The following PDHX variants were observed in gnomAD, a reference collection of about 807,000 sequenced individuals.
PDHX encodes the protein pyruvate dehydrogenase protein X component, mitochondrial.
PDHX carries 33 observed loss-of-function variants against 55.3 expected under a neutral mutation model. The observed-to-expected ratio is 0.60, with a 90% CI of 0.45 to 0.80. PDHX has a LOEUF of 0.80. PDHX is among the 30% of genes least tolerant of loss of function. The pLI, the probability that PDHX is intolerant of heterozygous loss-of-function variation, is 0.00. For missense variants in PDHX, 622 were observed against 619.9 expected (o/e 1.00, Z -0.04); for synonymous variants, 226 against 219.4 (o/e 1.03, Z -0.27).
At chr11:34,918,529 C>CT (rs1318315424) in intron 1 of PDHX, among the ~76,000 whole-genome samples, 1 of 151,988 alleles carries the variant, frequency 6.6e-6, no homozygotes, top group African/African-American at 2.4e-5. Flanking sequence ...CCTCATGATG[C>CT]TTTTTTACCT....
intron 3 of PDHX, among the ~76,000 whole-genome samples, chr11:34,953,011 A>G (rs10836324): frequency 0.58 from 88,294 of 151,544 alleles, 27,821 homozygotes; most frequent in East Asian, 0.75. Flanking sequence ...TACAAAATCA[A>G]TGTACAAAAA....
At chr11:34,919,322 CTG>C (rs1474703116) in intron 1 of PDHX, among the ~76,000 whole-genome samples, 3 of 152,152 alleles carry the variant, frequency 2.0e-5, no homozygotes, top group Non-Finnish European at 4.4e-5. Context: ...TTGGTAGAAA[CTG>C]TAGTTTTATA....
chr11:34,966,089 A>C (rs1855125352), intron 5 of PDHX, among the ~76,000 whole-genome samples: 1 of 152,148 alleles, frequency 6.6e-6, no homozygotes, highest in African/African-American at 2.4e-5. Flanking sequence ...CATAGGTTAG[A>C]TTTGTTATAT....
At chr11:34,947,730 C>G in intron 3 of PDHX, 124 bp downstream of exon 3, 4 of 697,854 alleles carry the variant, frequency 5.7e-6, no homozygotes, top group Non-Finnish European at 1.0e-5. Flanking sequence ...CTACATAATA[C>G]ATTTTTAGTT....
At chr11:34,969,961 A>AT (rs1855221959) in intron 6 of PDHX, among the ~76,000 whole-genome samples, 178 bp from the exon 7 acceptor site, 1 of 152,146 alleles carries the variant, frequency 6.6e-6, no homozygotes, top group South Asian at 2.1e-4. Context: ...AGCGTCTCAG[A>AT]TTTTTTATAT....
Position 34,996,061 on chromosome 11 carries a change from A to C in PDHX, c.*889A>C, listed in dbSNP as rs1451878507. 2 of 152,212 alleles carry C rather than the reference A, an allele frequency of 1.3e-5. No homozygotes were observed. The highest frequency in any genetic ancestry group is 4.8e-5 in the African/African-American group (2 of 41,472). The allele number at this position is 152,212 out of a possible 1,614,324, so 9.4% of individuals were successfully genotyped here. A position where few individuals can be genotyped will look rare whatever the true frequency, so the allele number is the denominator to read the frequency against. ...ATTGTGCAGTAAAATGTGAGAAAAT[A>C]TAAACATTTCTATTGTATTTTAAAT... On this transcript the variant is annotated 3_prime_UTR_variant, in exon 11 of 11. Transcript: ENST00000227868.
chr11:34,995,551 A>G lies in PDHX; in HGVS notation c.*379A>G. ...TTAAAAAAACTATTAGAACTGTACC[A>G]TAATTATGTTGAAGGTAGAAGTGAT... On this transcript the variant is annotated 3_prime_UTR_variant, in exon 11 of 11. Transcript: ENST00000227868. 3 of 282,738 alleles carry G rather than the reference A, an allele frequency of 1.1e-5. No individual in the cohort carries two copies. The highest frequency in any genetic ancestry group is 1.1e-4 in the South Asian group (3 of 28,366). The allele number at this position is 282,738 out of a possible 1,614,324, so 17.5% of individuals were successfully genotyped here. A position where few individuals can be genotyped will look rare whatever the true frequency, so the allele number is the denominator to read the frequency against.
intron 7 of PDHX, chr11:34,977,894 A>G: frequency 1.8e-6 from 1 of 569,986 alleles, no homozygotes; most frequent in Non-Finnish European, 3.3e-6. Flanking sequence ...AAAATTGATA[A>G]CCAAGGCCCA....
chr11:34,981,902 C>T (rs1311137559), intron 8 of PDHX, among the ~76,000 whole-genome samples: 1 of 152,072 alleles, frequency 6.6e-6, no homozygotes, highest in Non-Finnish European at 1.5e-5. Context: ...TGGATATTAG[C>T]CCTTTGTCAG....
intron 5 of PDHX, among the ~76,000 whole-genome samples, chr11:34,961,980 T>C (rs1249650547): frequency 6.6e-6 from 1 of 152,240 alleles, no homozygotes; most frequent in Non-Finnish European, 1.5e-5. Flanking sequence ...ATCTTAATCT[T>C]GTTAGTCTCT....
intron 1 of PDHX, among the ~76,000 whole-genome samples, chr11:34,928,466 C>CT (rs1206099542): frequency 1.1e-3 from 155 of 139,952 alleles, no homozygotes; most frequent in Middle Eastern, 7.3e-3. Flanking sequence ...CACCCCCCTC[C>CT]TTTTTTTTTT....
At chr11:34,925,796 A>C (rs535664778) in intron 1 of PDHX, among the ~76,000 whole-genome samples, 19 of 152,314 alleles carry the variant, frequency 1.2e-4, no homozygotes, top group Non-Finnish European at 2.1e-4. Flanking sequence ...TTGAGCACTG[A>C]CATGATGCTC....
chr11:34,973,567 C>T (rs142579542), intron 7 of PDHX, among the ~76,000 whole-genome samples: 1 of 152,050 alleles, frequency 6.6e-6, no homozygotes, highest in African/African-American at 2.4e-5. Context: ...TTCTTACCTG[C>T]TTTGCAATGG....
At position 34,994,977 on chromosome 11, in the gene PDHX, C is replaced by A; in HGVS notation, c.1311C>A (p.Ala437=). 2 of 1,614,052 alleles carry A rather than the reference C, an allele frequency of 1.2e-6. No individual in the cohort carries two copies. Among genetic ancestry groups the A allele is most frequent in the Non-Finnish European group, 1.7e-6 (2 of 1,179,936 alleles). ...CTGCAGTGATTAACCCTCCTCAGGCCTGCATTTTGGCGGTTGGGAGGTTCC... is the reference window on the plus strand; with the variant it reads ...CTGCAGTGATTAACCCTCCTCAGGCATGCATTTTGGCGGTTGGGAGGTTCC... ...EFTAVINPPQ[A]CILAVGRFRP... The change falls in exon 11 of 11, where the codon GCC becomes GCA. Residue 437 remains alanine, a synonymous_variant. Coordinates refer to ENST00000227868, the MANE Select transcript of PDHX (RefSeq NM_003477.3).
At chr11:34,957,252 C>T in intron 3 of PDHX, 132 bp from the exon 4 acceptor site, 1 of 703,378 alleles carries the variant, frequency 1.4e-6, no homozygotes, top group South Asian at 1.6e-5. Flanking sequence ...AAGGCAGAGG[C>T]AAACTGTCTT....
chr11:34,980,944 G>A (rs1443931260), intron 8 of PDHX, among the ~76,000 whole-genome samples: 1 of 151,934 alleles, frequency 6.6e-6, no homozygotes, highest in Admixed American at 6.6e-5. Flanking sequence ...TGTGATACAG[G>A]GCAAGATTAT....
intron 10 of PDHX, among the ~76,000 whole-genome samples, chr11:34,993,406 A>G (rs1294353638): frequency 2.6e-5 from 4 of 151,876 alleles, no homozygotes; most frequent in African/African-American, 9.7e-5. Context: ...CTTCTGTGTT[A>G]TCTTCTAAAA....
At chr11:34,982,449 C>A (rs1855538305) in intron 8 of PDHX, among the ~76,000 whole-genome samples, 2 of 151,758 alleles carry the variant, frequency 1.3e-5, no homozygotes, top group South Asian at 4.2e-4. Context: ...AATAGAGACA[C>A]AAAAAAACCT....
At chr11:34,979,667 T>C (rs1040912608) in intron 8 of PDHX, among the ~76,000 whole-genome samples, 1 of 152,162 alleles carries the variant, frequency 6.6e-6, no homozygotes, top group Admixed American at 6.5e-5. Context: ...ATTATATTAA[T>C]GATTTAATTA....
Sources: gnomAD v4.1 joint callset for allele counts (sites outside exome capture counted in the v4.1 genomes callset) on GRCh38, gnomAD v4.1.1 for gene constraint, MANE v1.5 for transcripts, NCBI Gene and HGNC (gene_info 2026-07-23, HGNC 2026-07-21) for gene names.